OR7E24: variants seen among roughly 807,000 people sequenced by gnomAD.
OR7E24 encodes olfactory receptor 7E24.
For missense variants in OR7E24, 385 were observed against 410.3 expected, an observed-to-expected ratio of 0.94 and a Z score of 0.53; for synonymous variants, 130 against 157.5, an observed-to-expected ratio of 0.83 and a Z score of 1.31.
the OR7E24 span, among the ~76,000 whole-genome samples, chr19:9,221,295 C>T: frequency 6.9e-6 from 1 of 144,160 alleles, no homozygotes. Context: ...GTATGTTGTC[C>T]ATCTGTGTGT....
the OR7E24 span, among the ~76,000 whole-genome samples, chr19:9,231,386 C>T: frequency 2.6e-5 from 4 of 151,868 alleles, no homozygotes; most frequent in East Asian, 5.9e-4. Flanking sequence ...TTGAGACCAT[C>T]CTGGCCGACA....
chr19:9,215,021 A>C, the OR7E24 span: 1 of 576,526 alleles, frequency 1.7e-6, no homozygotes. Context: ...ATTTGTGTAG[A>C]GTTATCCAGC....
the OR7E24 span, among the ~76,000 whole-genome samples, chr19:9,220,243 A>T: frequency 1.3e-5 from 2 of 152,272 alleles, no homozygotes; most frequent in South Asian, 4.1e-4. Context: ...ATATATCATC[A>T]TTAACTAAAG....
In OR7E24 at chr19:9,251,514, C is replaced by G; in HGVS notation, c.471C>G (p.Arg157=). The change falls in exon 1 of 1, where the codon CGC becomes CGG. Residue 157 remains arginine, a synonymous_variant. Transcript: ENST00000456448. ...PLHYRIIMNP[R]LCGFLILLSF... ...ACTACCGAATCATCATGAACCCACG[C>G]CTCTGTGGCTTCTTAATCTTGTTGT... The G allele has an allele frequency of 1.2e-6, 2 of 1,614,096 alleles. No individual in the cohort carries two copies. The highest frequency in any genetic ancestry group is 8.5e-7 in the Non-Finnish European group (1 of 1,179,988).
chr19:9,216,674 C>A, the OR7E24 span, among the ~76,000 whole-genome samples: 1 of 152,110 alleles, frequency 6.6e-6, no homozygotes, highest in Non-Finnish European at 1.5e-5. Context: ...TCACTGCAAC[C>A]TCTGCCTCCT....
At chr19:9,223,734 C>CTT in the OR7E24 span, among the ~76,000 whole-genome samples, 1,985 of 135,616 alleles carry the variant, frequency 0.015, 46 homozygotes, top group African/African-American at 0.046. Context: ...TTTTTCTCTT[C>CTT]TTTTTTTTTT....
chr19:9,214,790 TC>T, the OR7E24 span: 302 of 1,612,214 alleles, frequency 1.9e-4, 3 homozygotes, highest in South Asian at 3.0e-3. Context: ...CATCTGAGAG[TC>T]CCAGGAGGAG....
chr19:9,231,482 C>A, the OR7E24 span, among the ~76,000 whole-genome samples: 215 of 152,196 alleles, frequency 1.4e-3, 1 homozygote, highest in African/African-American at 4.7e-3. Context: ...TGGGAGGCTG[C>A]GGCAGGAGAA....
At chr19:9,241,189 T>C in the OR7E24 span, among the ~76,000 whole-genome samples, 1 of 152,224 alleles carries the variant, frequency 6.6e-6, no homozygotes. Flanking sequence ...TTCCTTTGCA[T>C]CGAGTTTGTT....
chr19:9,231,874 G>T, the OR7E24 span, among the ~76,000 whole-genome samples: 6 of 152,066 alleles, frequency 3.9e-5, no homozygotes, highest in Non-Finnish European at 8.8e-5. Flanking sequence ...ATTCAGGCAT[G>T]AAATGAATAA....
At chr19:9,216,050 C>CT in the OR7E24 span, among the ~76,000 whole-genome samples, 1 of 152,102 alleles carries the variant, frequency 6.6e-6, no homozygotes, top group Non-Finnish European at 1.5e-5. Context: ...TGCAAGGAAA[C>CT]TCCCCCTTAT....
At chr19:9,209,644 C>T in the OR7E24 span, 1 of 142,382 alleles carries the variant, frequency 7.0e-6, no homozygotes, top group East Asian at 2.0e-4. Flanking sequence ...GAGTATAAAA[C>T]AAAACATTTC....
At chr19:9,226,126 C>T in the OR7E24 span, among the ~76,000 whole-genome samples, 1,565 of 152,358 alleles carry the variant, frequency 0.01, 16 homozygotes, top group Non-Finnish European at 0.016. Flanking sequence ...TGCTAGGCAG[C>T]AGCATGGCTT....
chr19:9,234,060 C>T, the OR7E24 span, among the ~76,000 whole-genome samples: 29 of 152,170 alleles, frequency 1.9e-4, 1 homozygote, highest in Middle Eastern at 3.4e-3. Flanking sequence ...CGCACCACCA[C>T]GCCTGGCAAT....
chr19:9,250,150 G>A (rs767120702), upstream of OR7E24, among the ~76,000 whole-genome samples: 25 of 151,982 alleles, frequency 1.6e-4, no homozygotes, highest in Non-Finnish European at 3.1e-4. Flanking sequence ...CCTAGAGTGC[G>A]GTGGTATGAT....
upstream of OR7E24, among the ~76,000 whole-genome samples, chr19:9,247,011 T>G (rs1331735115): frequency 6.6e-6 from 1 of 152,194 alleles, no homozygotes; most frequent in African/African-American, 2.4e-5. Context: ...AAATGTTGTA[T>G]TTACCATTTT....
the OR7E24 span, among the ~76,000 whole-genome samples, chr19:9,240,613 C>T: frequency 1.3e-5 from 2 of 152,234 alleles, no homozygotes; most frequent in Admixed American, 6.5e-5. Context: ...TACCATGCTC[C>T]ATTTTCTTAA....
At chr19:9,218,151 A>G in the OR7E24 span, among the ~76,000 whole-genome samples, 1 of 152,248 alleles carries the variant, frequency 6.6e-6, no homozygotes, top group African/African-American at 2.4e-5. Context: ...ATTCTGAGCA[A>G]GTACAAATTG....
chr19:9,229,249 G>T, the OR7E24 span, among the ~76,000 whole-genome samples: 1,380 of 152,298 alleles, frequency 9.1e-3, 28 homozygotes, highest in African/African-American at 0.032. Flanking sequence ...AAACTTTCCT[G>T]CCAGGGATGG....
Sources: gnomAD v4.1 joint callset for allele counts (sites outside exome capture counted in the v4.1 genomes callset) on GRCh38, gnomAD v4.1.1 for gene constraint, MANE v1.5 for transcripts, NCBI Gene and HGNC (gene_info 2026-07-23, HGNC 2026-07-21) for gene names.